Variants in MZF1 observed in about 807,000 individuals in gnomAD.
The protein encoded by MZF1 is myeloid zinc finger 1, also known as zinc finger and SCAN domain-containing protein 6.
MZF1 carries 24 observed loss-of-function variants against 28.6 expected under a neutral mutation model. That is an observed-to-expected ratio of 0.84 (90% CI 0.61 to 1.18). The LOEUF is 1.18. Ranked by LOEUF, MZF1 falls within the 50% of genes most tolerant of loss-of-function variation. The probability of loss-of-function intolerance (pLI) is 0.00; values close to 1 mark genes in which losing one functional copy is unlikely to be tolerated. For synonymous variants in MZF1, 516 were observed against 432.5 expected, an observed-to-expected ratio of 1.19 and a Z score of -2.40; for missense variants, 1,166 against 1,026.4, an observed-to-expected ratio of 1.14 and a Z score of -1.86.
intron 5 of MZF1, chr19:58,563,749 G>A (rs560784842): frequency 7.7e-4 from 335 of 433,602 alleles, no homozygotes; most frequent in African/African-American, 6.1e-3. Context: ...TCTGATTTAG[G>A]TTGGAAAAAA....
chr19:58,562,804 G>C lies in MZF1; in HGVS notation c.1473C>G (p.Arg491=). The C allele has an allele frequency of 1.3e-6, 2 of 1,534,628 alleles. No individual in the cohort carries two copies. The highest frequency in any genetic ancestry group is 1.7e-6 in the Non-Finnish European group (2 of 1,146,406). Residue 491 remains arginine (R), a synonymous_variant, in exon 6 of 6, where the codon CGC becomes CGG. Transcript: ENST00000215057. ...GCACGGCGCGCCGCGCGAAGCTCTCGCGGCACTCGCTGCACGGAAAGGGGC... is the reference window on the plus strand; with the variant it reads ...GCACGGCGCGCCGCGCGAAGCTCTCCCGGCACTCGCTGCACGGAAAGGGGC... ...PPGPFPCSEC[R]ESFARRAVLL...
At chr19:58,570,887 T>A in intron 2 of MZF1, 107 bp downstream of exon 2, 1 of 1,307,546 alleles carries the variant, frequency 7.6e-7, no homozygotes. Context: ...TGGCCACTTC[T>A]GTACCACAAG....
rs201221836 is a variant in MZF1 at position 58,562,325 on chromosome 19, C to T, written c.1952G>A (p.Arg651Gln). Residue 651 changes from arginine to glutamine, a missense_variant, in exon 6 of 6, where the codon CGG becomes CAG. Arg to Gln is a conservative substitution (Grantham distance 43). Coordinates refer to ENST00000215057, the MANE Select transcript of MZF1 (RefSeq NM_198055.2). ...TEHQRIHTGE[R>Q]PFACPECGQS... The stretch of plus-strand genomic sequence containing the variant: ...GCCGCACTCGGGGCAGGCGAAGGGC[C>T]GTTCGCCCGTGTGGATGCGCTGGTG... 1.8e-4 allele frequency: 288 copies of T among 1,606,588 alleles called. 2 individuals are homozygous for T. The East Asian group carries it at 6.3e-3, about 35-fold the overall frequency.
rs1244722945 is a variant in MZF1 at position 58,563,178 on chromosome 19, G to T, written c.1099C>A (p.Gln367Lys). ...RCDVCGKVFS[Q>K]RSNLLRHQKI... Reference sequence around the variant, plus strand: ...TGGTGCCTCAGCAGGTTGCTGCGTTGGCTGAACACCTTGCCACATACATCG... The same window carrying T: ...TGGTGCCTCAGCAGGTTGCTGCGTTTGCTGAACACCTTGCCACATACATCG... The change falls in exon 6 of 6, where the codon CAA becomes AAA. Residue 367 changes from glutamine to lysine, a missense_variant. Coordinates refer to ENST00000215057, the MANE Select transcript of MZF1 (RefSeq NM_198055.2). 1 of 1,610,850 alleles carries T rather than the reference G, an allele frequency of 6.2e-7. No individual in the cohort carries two copies. The highest frequency in any genetic ancestry group is 1.1e-5 in the South Asian group (1 of 90,980).
chr19:58,567,645 C>T (rs954342040), intron 5 of MZF1, among the ~76,000 whole-genome samples: 1 of 152,182 alleles, frequency 6.6e-6, no homozygotes, highest in African/African-American at 2.4e-5. Flanking sequence ...CACTCATACT[C>T]AAGCTGCTTG....
chr19:58,562,860 G>C lies in MZF1; in HGVS notation c.1417C>G (p.Pro473Ala), dbSNP rs1456172769. The C allele has an allele frequency of 2.6e-6, 4 of 1,543,696 alleles. No individual in the cohort carries two copies. The Admixed American group carries it at 7.7e-5, about 30-fold the overall frequency. The change falls in exon 6 of 6, where the codon CCG (proline) becomes GCG (alanine). Residue 473 changes from proline to alanine, a missense_variant. Physicochemically the swap from Pro to Ala is conservative, Grantham distance 27. Transcript: ENST00000215057. Reference protein sequence around the residue: ...GDPPGPGAKPPAPPGAPEPPG... With the variant: ...GDPPGPGAKPAAPPGAPEPPG... ...GGCTCGGGCGCACCAGGAGGGGCCG[G>C]GGGCTTAGCGCCAGGGCCCGGGGGA...
At position 58,562,742 on chromosome 19, in the gene MZF1, G is replaced by T. The variant is rs537448494; in HGVS notation, c.1535C>A (p.Ser512Tyr). 277 of 1,536,444 alleles carry T rather than the reference G, an allele frequency of 1.8e-4. 4 individuals carry two copies. The South Asian group carries it at 3.2e-3, about 18-fold the overall frequency. ...CTCGCCGCACTCGACGCAGCCAAAG[G>T]ACTTGTCGCCCGTGTGTACCGCCTG... ...EHQAVHTGDK[S>Y]FGCVECGERF... Residue 512 changes from serine to tyrosine, a missense_variant, in exon 6 of 6, where the codon TCC becomes TAC. Transcript: ENST00000215057.
At position 58,563,142 on chromosome 19, in the gene MZF1, T is replaced by C; in HGVS notation, c.1135A>G (p.Thr379Ala). 6.2e-7 allele frequency: 1 copy of C among 1,609,208 alleles called. No individual in the cohort carries two copies. Among genetic ancestry groups the C allele is most frequent in the Non-Finnish European group, 8.5e-7 (1 of 1,179,742 alleles). ...CTGCACACGAATGGTCGCTCACCCG[T>C]GTGGATCTTCTGGTGCCTCAGCAGG... is the stretch of plus-strand genomic sequence containing the variant. ...SNLLRHQKIHTGERPFVCSEC... is the reference protein window; with the variant it reads ...SNLLRHQKIHAGERPFVCSEC... The change falls in exon 6 of 6, where the codon ACG becomes GCG. Residue 379 changes from threonine to alanine, a missense_variant. Physicochemically the swap from Thr to Ala is moderately conservative, Grantham distance 58. Transcript: ENST00000215057.
intron 1 of MZF1, chr19:58,572,439 C>G (rs960911706): frequency 1.2e-6 from 1 of 846,732 alleles, no homozygotes; most frequent in African/African-American, 1.8e-5. Context: ...GCAAAGGCTC[C>G]AAGACTGCCG....
intron 5 of MZF1, among the ~76,000 whole-genome samples, chr19:58,566,428 CAA>C (rs1265876990): frequency 6.6e-6 from 1 of 150,978 alleles, no homozygotes; most frequent in Non-Finnish European, 1.5e-5. Flanking sequence ...GCCTGGGCAA[CAA>C]GAGCGAAATT....
In MZF1 at chr19:58,562,059, G is replaced by T; in HGVS notation, c.*13C>A. The T allele has an allele frequency of 6.5e-7, 1 of 1,549,300 alleles. No individual in the cohort carries two copies. On this transcript the variant is annotated 3_prime_UTR_variant, in exon 6 of 6. Transcript: ENST00000215057. ...GTTCTGACCATGGCGGACACAGTGC[G>T]TCCCGGCTGGAGCTACTCGGCGCTG...
At chr19:58,565,651 G>T (rs534719577) in intron 5 of MZF1, among the ~76,000 whole-genome samples, 2 of 151,898 alleles carry the variant, frequency 1.3e-5, no homozygotes, top group South Asian at 4.1e-4. Context: ...TCCTGCCTCA[G>T]CCACCCGAGT....
At chr19:58,565,906 C>T (rs1361990946) in intron 5 of MZF1, among the ~76,000 whole-genome samples, 236 of 140,422 alleles carry the variant, frequency 1.7e-3, no homozygotes, top group African/African-American at 5.8e-3. Context: ...TTTGGGAGGC[C>T]GAGGCGGGTG....
chr19:58,562,947 C>A lies in MZF1; in HGVS notation c.1330G>T (p.Glu444Ter). ...HTGEQPFRCA[E>*]CGQSFRQRSN... ...CGCTGCCGGAAGCTCTGGCCGCACT[C>A]AGCGCAACGGAAAGGCTGTTCGCCC... The change falls in exon 6 of 6, where the codon GAG (glutamate) becomes TAG (stop). Residue 444 changes from glutamate to a stop codon, truncating the protein, a stop_gained. Transcript: ENST00000215057. LOFTEE classifies it low-confidence loss of function (END_TRUNC). The A allele has an allele frequency of 6.3e-7, 1 of 1,598,694 alleles. No individual in the cohort carries two copies. Among genetic ancestry groups the A allele is most frequent in the Non-Finnish European group, 8.5e-7 (1 of 1,177,518 alleles).
chr19:58,566,156 A>G, intron 5 of MZF1, among the ~76,000 whole-genome samples: 1 of 146,582 alleles, frequency 6.8e-6, no homozygotes, highest in Admixed American at 6.8e-5. Context: ...AAAAAAAAGA[A>G]GAGGAATGGG....
intron 1 of MZF1, chr19:58,572,424 G>T: frequency 1.6e-6 from 1 of 619,254 alleles, no homozygotes; most frequent in Non-Finnish European, 2.5e-6. Flanking sequence ...ATGGGTGGGG[G>T]GGCGGCAAAG....
chr19:58,564,316 G>C (rs1424382989), intron 5 of MZF1: 1 of 152,072 alleles, frequency 6.6e-6, no homozygotes, highest in African/African-American at 2.4e-5. Context: ...AGAGTCAAAA[G>C]ACAAATGGCC....
intron 5 of MZF1, among the ~76,000 whole-genome samples, chr19:58,566,482 G>T (rs939742350): frequency 4.6e-5 from 7 of 152,084 alleles, no homozygotes; most frequent in South Asian, 2.1e-4. Context: ...CATGTGTCTG[G>T]GAATGTCTTT....
chr19:58,569,242 G>C lies in MZF1; in HGVS notation c.772+35C>G, dbSNP rs1387366001. 3 of 1,546,576 alleles carry C rather than the reference G, an allele frequency of 1.9e-6. No individual in the cohort carries two copies. The Admixed American group carries it at 5.9e-5, about 30-fold the overall frequency. On this transcript the variant is annotated intron_variant, in intron 5 of 5. Transcript: ENST00000215057. ...CGGCAGAGATGGTGCTGTCCATGCG[G>C]AAGGCCTAGTCCCACCACACCCCAT... is the stretch of plus-strand genomic sequence containing the variant.
Sources: gnomAD v4.1 joint callset for allele counts (sites outside exome capture counted in the v4.1 genomes callset) on GRCh38, gnomAD v4.1.1 for gene constraint, MANE v1.5 for transcripts, NCBI Gene and HGNC (gene_info 2026-07-23, HGNC 2026-07-21) for gene names.